The following BCKDHB variants were observed in gnomAD, a reference collection of about 807,000 sequenced individuals.
BCKDHB encodes the protein 2-oxoisovalerate dehydrogenase subunit beta, mitochondrial.
In BCKDHB, 41 loss-of-function variants were observed where a neutral mutation model predicts 48.5. That is an observed-to-expected ratio of 0.85 (90% CI 0.66 to 1.10). The LOEUF (loss-of-function observed/expected upper bound fraction) is 1.10, where lower values mean the gene tolerates loss of function less well. Among genes scored for constraint, BCKDHB ranks in the 50% least tolerant of loss-of-function variants. BCKDHB has a pLI of 0.00. For missense variants in BCKDHB, 496 were observed against 494.2 expected (o/e 1.00, Z -0.03); for synonymous variants, 201 against 174.8 (o/e 1.15, Z -1.18).
chr6:80,415,809 T>C, the BCKDHB span, among the ~76,000 whole-genome samples: 1 of 152,222 alleles, frequency 6.6e-6, no homozygotes, highest in East Asian at 1.9e-4. Context: ...TAGGAGTCCT[T>C]CTTTCTCAAT....
chr6:80,220,304 G>GTTTT (rs56967096), intron 8 of BCKDHB, among the ~76,000 whole-genome samples: 643 of 60,838 alleles, frequency 0.011, 44 homozygotes, highest in East Asian at 0.05. Context: ...CATGCTATTT[G>GTTTT]TTTTTTTTTT....
chr6:80,372,369 CT>C, the BCKDHB span, among the ~76,000 whole-genome samples: 1 of 151,440 alleles, frequency 6.6e-6, no homozygotes, highest in African/African-American at 2.4e-5. Flanking sequence ...TCGGATGAGT[CT>C]TTATATGATC....
chr6:80,173,196 A>G (rs1249509134), intron 6 of BCKDHB, among the ~76,000 whole-genome samples: 1 of 152,182 alleles, frequency 6.6e-6, no homozygotes. Context: ...ATGCACTTGA[A>G]AAATTTGTCC....
At chr6:80,372,351 G>T in the BCKDHB span, among the ~76,000 whole-genome samples, 21 of 152,174 alleles carry the variant, frequency 1.4e-4, no homozygotes, top group South Asian at 4.4e-3. Flanking sequence ...GCCAGTTCTA[G>T]GAGCTTTTCG....
At chr6:80,110,672 A>G (rs1315744022) in intron 1 of BCKDHB, among the ~76,000 whole-genome samples, 1 of 152,212 alleles carries the variant, frequency 6.6e-6, no homozygotes, top group Admixed American at 6.5e-5. Context: ...ACTGAGAACC[A>G]TTTAGCATCC....
chr6:80,145,370 T>G (rs746840588), intron 3 of BCKDHB, among the ~76,000 whole-genome samples: 4 of 152,152 alleles, frequency 2.6e-5, no homozygotes, highest in Non-Finnish European at 5.9e-5. Flanking sequence ...GGTCCTTGCC[T>G]TTGCTAACAT....
the BCKDHB span, among the ~76,000 whole-genome samples, chr6:80,396,661 C>T: frequency 6.6e-6 from 1 of 152,172 alleles, no homozygotes; most frequent in Admixed American, 6.5e-5. Context: ...GGCAGTTATG[C>T]CCATGCAGCT....
intron 8 of BCKDHB, among the ~76,000 whole-genome samples, chr6:80,227,901 G>A (rs1775747247): frequency 6.6e-6 from 1 of 152,144 alleles, no homozygotes; most frequent in Admixed American, 6.5e-5. Flanking sequence ...ACCCACTGTA[G>A]GGGGTTAGAA....
intron 1 of BCKDHB, among the ~76,000 whole-genome samples, chr6:80,115,858 A>G (rs529152500): frequency 1.3e-5 from 2 of 151,850 alleles, no homozygotes; most frequent in Non-Finnish European, 2.9e-5. Flanking sequence ...GGATGGTCTC[A>G]ATCTCCTGAC....
chr6:80,267,003 GA>G (rs371088966), intron 8 of BCKDHB, among the ~76,000 whole-genome samples: 9 of 151,744 alleles, frequency 5.9e-5, no homozygotes, highest in African/African-American at 2.2e-4. Context: ...CCCCGCCCAT[GA>G]AAAAAAATTC....
the BCKDHB span, among the ~76,000 whole-genome samples, chr6:80,395,293 A>G: frequency 6.6e-6 from 1 of 152,206 alleles, no homozygotes; most frequent in South Asian, 2.1e-4. Flanking sequence ...AGGGCTCAGA[A>G]GACAGGAAGA....
chr6:80,139,710 TGTA>T (rs1771087118), intron 3 of BCKDHB, among the ~76,000 whole-genome samples: 1 of 152,090 alleles, frequency 6.6e-6, no homozygotes, highest in African/African-American at 2.4e-5. Flanking sequence ...ACTGTAGCCT[TGTA>T]GTATAGTTTG....
intron 9 of BCKDHB, among the ~76,000 whole-genome samples, chr6:80,335,199 G>T (rs1352940410): frequency 1.0e-4 from 2 of 19,282 alleles, no homozygotes; most frequent in Non-Finnish European, 3.3e-4. Flanking sequence ...CCATTTGGTG[G>T]TGTTAAGACT....
intron 3 of BCKDHB, among the ~76,000 whole-genome samples, chr6:80,159,219 A>G (rs971475580): frequency 6.6e-6 from 1 of 152,190 alleles, no homozygotes; most frequent in Non-Finnish European, 1.5e-5. Flanking sequence ...GCAGCACACC[A>G]GCATGGCACA....
chr6:80,355,065 T>C, the BCKDHB span, among the ~76,000 whole-genome samples: 1 of 152,190 alleles, frequency 6.6e-6, no homozygotes, highest in Non-Finnish European at 1.5e-5. Context: ...GATAGGGATT[T>C]CATTGAATCT....
At chr6:80,172,741 G>A (rs1298842947) in intron 6 of BCKDHB, among the ~76,000 whole-genome samples, 2 of 152,028 alleles carry the variant, frequency 1.3e-5, no homozygotes, top group Non-Finnish European at 2.9e-5. Flanking sequence ...CTGTTTCAAT[G>A]TATCCATTCC....
the BCKDHB span, among the ~76,000 whole-genome samples, chr6:80,406,792 C>G: frequency 6.6e-6 from 1 of 152,160 alleles, no homozygotes; most frequent in Non-Finnish European, 1.5e-5. Flanking sequence ...AAAATTTTCT[C>G]CCATTCTGTA....
the BCKDHB span, among the ~76,000 whole-genome samples, chr6:80,408,456 G>T: frequency 6.6e-6 from 1 of 151,906 alleles, no homozygotes; most frequent in Non-Finnish European, 1.5e-5. Flanking sequence ...TTAACCTCTG[G>T]TAGAATTCGG....
intron 1 of BCKDHB, among the ~76,000 whole-genome samples, chr6:80,112,634 G>T (rs1227709707): frequency 6.6e-6 from 1 of 152,200 alleles, no homozygotes; most frequent in Admixed American, 6.5e-5. Context: ...CAAGCCCCAA[G>T]AGTGTCCAGA....
Sources: allele counts gnomAD v4.1 joint callset (sites outside exome capture counted in the v4.1 genomes callset), GRCh38; gene constraint gnomAD v4.1.1; transcripts MANE v1.5; gene names NCBI Gene and HGNC (gene_info 2026-07-23, HGNC 2026-07-21).